The following CLASP1 variants were observed in gnomAD, a reference collection of about 807,000 sequenced individuals.
The protein encoded by CLASP1 is cytoplasmic linker associated protein 1.
CLASP1 carries 38 observed loss-of-function variants against 192.3 expected under a neutral mutation model. The ratio of observed to expected loss-of-function variants is 0.20; its 90% CI spans 0.15 to 0.26. The LOEUF (loss-of-function observed/expected upper bound fraction) is 0.26. Ranked by LOEUF, CLASP1 falls within the 10% of genes least tolerant of loss-of-function variation. CLASP1 has a pLI of 1.00. For missense variants in CLASP1, 1,433 were observed against 1,932.5 expected (o/e 0.74, Z 4.85); for synonymous variants, 691 against 712.8 (o/e 0.97, Z 0.49).
chr2:121,486,135 A>T (rs2092957191), intron 8 of CLASP1, among the ~76,000 whole-genome samples: 1 of 152,214 alleles, frequency 6.6e-6, no homozygotes, highest in African/African-American at 2.4e-5. Flanking sequence ...AGACTGGGTG[A>T]CTATAATTAT....
chr2:121,425,207 T>A, exon 22 of CLASP1: 2 of 1,613,534 alleles, frequency 1.2e-6, no homozygotes, highest in Non-Finnish European at 1.7e-6. Flanking sequence ...GCTTCGCTTT[T>A]CTGAAGACGG....
intron 19 of CLASP1, among the ~76,000 whole-genome samples, chr2:121,435,908 G>A (rs986220676): frequency 1.3e-4 from 20 of 152,230 alleles, no homozygotes; most frequent in African/African-American, 4.8e-4. Context: ...ACACTGATAT[G>A]CTCCACCCTT....
intron 1 of CLASP1, among the ~76,000 whole-genome samples, chr2:121,617,857 T>C (rs530461601): frequency 6.6e-6 from 1 of 152,288 alleles, no homozygotes; most frequent in South Asian, 2.1e-4. Context: ...CTCCCAAATT[T>C]GTATCTCCAA....
At chr2:121,462,639 T>A (rs371025808) in intron 9 of CLASP1, 34 bp from the exon 10 acceptor site, 1 of 1,277,524 alleles carries the variant, frequency 7.8e-7, no homozygotes, top group Non-Finnish European at 1.1e-6. Flanking sequence ...GTAAACAATA[T>A]GAAACAACGT....
At chr2:121,549,459 CAA>C (rs1193464102) in intron 2 of CLASP1, among the ~76,000 whole-genome samples, 1 of 152,076 alleles carries the variant, frequency 6.6e-6, no homozygotes, top group Non-Finnish European at 1.5e-5. Flanking sequence ...TAGAGACCTT[CAA>C]AGAGATTTAC....
At chr2:121,621,927 A>G (rs909107497) in intron 1 of CLASP1, among the ~76,000 whole-genome samples, 2 of 152,152 alleles carry the variant, frequency 1.3e-5, no homozygotes, top group African/African-American at 4.8e-5. Flanking sequence ...GGCTTACTGC[A>G]AACTTTGCCT....
At position 121,359,271 on chromosome 2, in the gene CLASP1, T is replaced by C. The variant is rs534219586; in HGVS notation, c.4206+3901A>G. Among the ~76,000 whole-genome samples the C allele has an allele frequency of 3.9e-5, 6 of 152,330 alleles. No homozygotes were observed. In the South Asian group the frequency reaches 1.2e-3, roughly 32 times the overall value. ...ACAATTTTAAAAGCATATTTCTATA[T>C]CATAATATCTTTCATTCTCACAGCA... On this transcript the variant is annotated intron_variant, in intron 37 of 39. Transcript: ENST00000263710.
intron 2 of CLASP1, among the ~76,000 whole-genome samples, chr2:121,551,869 C>A (rs530023641): frequency 2.0e-4 from 30 of 152,072 alleles, no homozygotes; most frequent in African/African-American, 6.7e-4. Context: ...CATATGGAAC[C>A]AGAAAAAAAG....
chr2:121,601,951 G>A (rs758101209), intron 2 of CLASP1, among the ~76,000 whole-genome samples: 9 of 152,090 alleles, frequency 5.9e-5, no homozygotes, highest in Non-Finnish European at 1.2e-4. Context: ...AAGACGGGTG[G>A]ATCACCTGAG....
At chr2:121,601,368 G>T (rs960358175) in intron 2 of CLASP1, among the ~76,000 whole-genome samples, 1 of 151,824 alleles carries the variant, frequency 6.6e-6, no homozygotes, top group Non-Finnish European at 1.5e-5. Flanking sequence ...TGCCTTCCGG[G>T]TTGAAGCAAT....
At position 121,361,667 on chromosome 2, in the gene CLASP1, C is replaced by T. The variant is rs1366966971; in HGVS notation, c.4206+1505G>A. ...GTGTGGCCTAAGACAATTCTTCCAA[C>T]GCAGCCCAGGGAAGCCAAAAGATGG... On this transcript the variant is annotated intron_variant, in intron 37 of 39. Coordinates refer to ENST00000263710, the Ensembl canonical transcript of CLASP1. Among the ~76,000 whole-genome samples, 5 of 152,106 alleles carry T rather than the reference C, an allele frequency of 3.3e-5. No individual in the cohort carries two copies. In the East Asian group the frequency reaches 7.7e-4, roughly 23 times the overall value.
intron 22 of CLASP1, among the ~76,000 whole-genome samples, chr2:121,421,693 C>A (rs563940879): frequency 6.6e-6 from 1 of 152,296 alleles, no homozygotes; most frequent in South Asian, 2.1e-4. Context: ...CAGGCACGCA[C>A]CACCACATCC....
chr2:121,438,303 G>C (rs547321688), intron 19 of CLASP1, among the ~76,000 whole-genome samples: 19 of 152,342 alleles, frequency 1.2e-4, no homozygotes, highest in African/African-American at 3.8e-4. Context: ...TGTGTGAGTA[G>C]ACAGCTTAGT....
At chr2:121,430,850 T>A (rs993480163) in intron 19 of CLASP1, among the ~76,000 whole-genome samples, 2 of 151,694 alleles carry the variant, frequency 1.3e-5, no homozygotes, top group Non-Finnish European at 2.9e-5. Flanking sequence ...CCAAAGATAA[T>A]CCAATGCTGT....
chr2:121,530,595 G>C, intron 2 of CLASP1: 2 of 537,820 alleles, frequency 3.7e-6, no homozygotes, highest in Non-Finnish European at 6.7e-6. Context: ...TGCGGGTGGA[G>C]TTCAAGAGCG....
chr2:121,411,847 TTAAG>T (rs1469294528), intron 23 of CLASP1, among the ~76,000 whole-genome samples: 3 of 152,178 alleles, frequency 2.0e-5, no homozygotes, highest in Non-Finnish European at 4.4e-5. Flanking sequence ...TGTATCTTCA[TTAAG>T]TGTGTTGTAC....
At chr2:121,600,094 G>A (rs2063627084) in intron 2 of CLASP1, among the ~76,000 whole-genome samples, 2 of 152,102 alleles carry the variant, frequency 1.3e-5, no homozygotes, top group South Asian at 4.1e-4. Flanking sequence ...AAGAAAAAAA[G>A]GGAAGCAGGA....
intron 38 of CLASP1, among the ~76,000 whole-genome samples, chr2:121,347,393 C>A (rs1037020471): frequency 1.3e-5 from 2 of 152,138 alleles, no homozygotes; most frequent in Non-Finnish European, 1.5e-5. Context: ...TGGAGAGTCC[C>A]AGACTGGTCT....
At chr2:121,645,216 G>C (rs763816414) in intron 1 of CLASP1, among the ~76,000 whole-genome samples, 12 of 152,182 alleles carry the variant, frequency 7.9e-5, no homozygotes, top group Non-Finnish European at 7.4e-5. Flanking sequence ...AATAATTCTA[G>C]AAGTGTGATA....
Sources: gnomAD v4.1 joint callset for allele counts (sites outside exome capture counted in the v4.1 genomes callset) on GRCh38, gnomAD v4.1.1 for gene constraint, MANE v1.5 for transcripts, NCBI Gene and HGNC (gene_info 2026-07-23, HGNC 2026-07-21) for gene names.